Variants in KAT7 observed in about 807,000 individuals in gnomAD.
KAT7 encodes lysine acetyltransferase 7, also known as histone acetyltransferase KAT7.
A neutral mutation model predicts 82.1 loss-of-function variants in KAT7; 10 were observed. The ratio of observed to expected loss-of-function variants is 0.12; its 90% CI spans 0.08 to 0.21. The LOEUF is 0.21. KAT7 is among the 10% of genes least tolerant of loss of function. The pLI is 1.00. For synonymous variants in KAT7, 250 were observed against 262.5 expected, an observed-to-expected ratio of 0.95 and a Z score of 0.46; for missense variants, 378 against 760.9, an observed-to-expected ratio of 0.50 and a Z score of 5.92.
chr17:49,826,643 G>T, intron 13 of KAT7, 50 bp from the exon 14 acceptor site: 1 of 1,250,868 alleles, frequency 8.0e-7, no homozygotes, highest in Non-Finnish European at 1.2e-6. Context: ...GGGGGCAAAG[G>T]GGTGGGAACC....
At chr17:49,800,393 G>C (rs116271002) in intron 4 of KAT7, among the ~76,000 whole-genome samples, 143 of 152,222 alleles carry the variant, frequency 9.4e-4, no homozygotes, top group African/African-American at 3.3e-3. Context: ...CTCCATACCA[G>C]TTGTCACTCG....
At chr17:49,803,666 C>T (rs570228134) in intron 4 of KAT7, among the ~76,000 whole-genome samples, 5 of 149,408 alleles carry the variant, frequency 3.3e-5, no homozygotes, top group East Asian at 2.1e-4. Context: ...CCTCGTGATC[C>T]GCCTGCCTCG....
intron 1 of KAT7, 79 bp from the exon 2 acceptor site, chr17:49,791,807 G>C: frequency 1.4e-6 from 2 of 1,440,340 alleles, no homozygotes. Context: ...CAGTGTCACA[G>C]CTTGTTTTAT....
At chr17:49,807,932 A>AT (rs932186302) in intron 5 of KAT7, among the ~76,000 whole-genome samples, 5 of 152,178 alleles carry the variant, frequency 3.3e-5, no homozygotes, top group African/African-American at 1.2e-4. Context: ...GGTAGAGCAG[A>AT]TTTGTGGAGA....
chr17:49,817,719 A>G, intron 8 of KAT7, 101 bp from the exon 9 acceptor site: 1 of 896,154 alleles, frequency 1.1e-6, no homozygotes, highest in East Asian at 2.6e-5. Context: ...TGCCTGCCTC[A>G]GCCTCCCAAA....
intron 8 of KAT7, among the ~76,000 whole-genome samples, chr17:49,816,132 C>T (rs2074230960): frequency 6.6e-6 from 1 of 152,120 alleles, no homozygotes. Context: ...CTGCTTTCCA[C>T]CTCGGCTCCC....
intron 1 of KAT7, 157 bp downstream of exon 1, chr17:49,789,006 T>C (rs987415815): frequency 1.0e-5 from 6 of 591,522 alleles, no homozygotes; most frequent in Non-Finnish European, 1.6e-5. Context: ...AACAGAAAAA[T>C]GTGGGCCCGA....
At position 49,827,897 on chromosome 17, in the gene KAT7, C is replaced by G. The variant is rs1211451787; in HGVS notation, c.*395C>G. 1 of 173,186 alleles carries G rather than the reference C, an allele frequency of 5.8e-6. No individual in the cohort carries two copies. The highest frequency in any genetic ancestry group is 2.4e-5 in the African/African-American group (1 of 42,272). The allele number at this position is 173,186 out of a possible 1,614,324, so 10.7% of individuals were successfully genotyped here. A position where few individuals can be genotyped will look rare whatever the true frequency, so the allele number is the denominator to read the frequency against. On this transcript the variant is annotated 3_prime_UTR_variant, in exon 15 of 15. Transcript: ENST00000259021. The stretch of plus-strand genomic sequence containing the variant: ...CTGGTCACCAGACCTCCAAATATGG[C>G]TGCCACCACCAGGACCTTTCCAGTT...
intron 4 of KAT7, 43 bp downstream of exon 4, chr17:49,798,601 C>G (rs769879245): frequency 3.2e-6 from 5 of 1,553,148 alleles, no homozygotes; most frequent in Non-Finnish European, 3.5e-6. Context: ...TTCTGTGGTT[C>G]TCTCTCCCAG....
At chr17:49,820,161 A>C (rs1279171005) in intron 9 of KAT7, among the ~76,000 whole-genome samples, 1 of 152,062 alleles carries the variant, frequency 6.6e-6, no homozygotes, top group African/African-American at 2.4e-5. Flanking sequence ...ACATGGGAGG[A>C]TCTTTTGAGC....
intron 3 of KAT7, 60 bp from the exon 4 acceptor site, chr17:49,798,259 T>A: frequency 6.5e-7 from 1 of 1,536,838 alleles, no homozygotes; most frequent in Non-Finnish European, 8.9e-7. Context: ...AAACTCTGAA[T>A]AGTAAACTTC....
chr17:49,796,688 TG>T, intron 2 of KAT7, 61 bp from the exon 3 acceptor site: 1 of 1,317,154 alleles, frequency 7.6e-7, no homozygotes, highest in East Asian at 2.3e-5. Context: ...ATAAATTATA[TG>T]GATAGGAAGT....
chr17:49,816,452 G>A (rs913196600), intron 8 of KAT7, among the ~76,000 whole-genome samples: 5 of 152,192 alleles, frequency 3.3e-5, no homozygotes, highest in Non-Finnish European at 7.3e-5. Context: ...CTGAGTTGCT[G>A]TCCTAGGCAG....
At chr17:49,823,799 G>A (rs2074335095) in intron 12 of KAT7, among the ~76,000 whole-genome samples, 2 of 152,308 alleles carry the variant, frequency 1.3e-5, no homozygotes, top group East Asian at 1.9e-4. Context: ...CATGCACAGA[G>A]CAGCAAAAAG....
intron 4 of KAT7, among the ~76,000 whole-genome samples, chr17:49,803,585 C>T (rs865905568): frequency 3.3e-5 from 5 of 151,888 alleles, no homozygotes; most frequent in African/African-American, 4.8e-5. Context: ...CCACCACACC[C>T]GGCTAATTTT....
intron 8 of KAT7, among the ~76,000 whole-genome samples, chr17:49,817,498 A>T (rs1270302189): frequency 6.6e-6 from 1 of 152,256 alleles, no homozygotes. Flanking sequence ...TTTAAAAAGG[A>T]GTTTCGCTCT....
At position 49,798,428 on chromosome 17, in the gene KAT7, T is replaced by C. The variant is rs1384773105; in HGVS notation, c.450T>C (p.Asp150=). 1 of 1,614,150 alleles carries C rather than the reference T, an allele frequency of 6.2e-7. No homozygotes were observed. Among genetic ancestry groups the C allele is most frequent in the Non-Finnish European group, 8.5e-7 (1 of 1,180,056 alleles). The part of the protein sequence containing the change: ...IDISSPNVSH[D]ESIAKDMSLK... Reference sequence around the variant, plus strand: ...TCTCCAGCCCCAATGTATCTCACGATGAGAGCATTGCCAAGGACATGTCCC... The same window carrying C: ...TCTCCAGCCCCAATGTATCTCACGACGAGAGCATTGCCAAGGACATGTCCC... The change falls in exon 4 of 15, where the codon GAT becomes GAC. Residue 150 remains aspartate, a synonymous_variant. Coordinates refer to ENST00000259021, the MANE Select transcript of KAT7 (RefSeq NM_007067.5).
intron 1 of KAT7, among the ~76,000 whole-genome samples, chr17:49,790,578 T>C (rs2073874160): frequency 6.6e-6 from 1 of 152,182 alleles, no homozygotes. Context: ...TTTCTTAATT[T>C]CCCAAATACC....
intron 7 of KAT7, among the ~76,000 whole-genome samples, chr17:49,812,863 C>T (rs1377677633): frequency 4.6e-5 from 7 of 151,848 alleles, no homozygotes; most frequent in African/African-American, 9.7e-5. Flanking sequence ...CCACCACACC[C>T]GGCTAATTTT....
Sources: gnomAD v4.1 joint callset for allele counts (sites outside exome capture counted in the v4.1 genomes callset) on GRCh38, gnomAD v4.1.1 for gene constraint, MANE v1.5 for transcripts, NCBI Gene and HGNC (gene_info 2026-07-23, HGNC 2026-07-21) for gene names.